NBPF15: variants seen among roughly 807,000 people sequenced by gnomAD.
NBPF15 encodes the protein NBPF member 15, also known as NBPF family member NBPF15.
Under a neutral mutation model 62.2 loss-of-function variants are expected in NBPF15, and 74 were observed. The observed-to-expected ratio is 1.19, with a 90% CI of 0.99 to 1.44. NBPF15 has a LOEUF of 1.44. NBPF15 is among the 40% of genes most tolerant of loss of function. NBPF15 has a pLI of 0.00. For synonymous variants in NBPF15, 244 were observed against 209.7 expected (o/e 1.16, Z -1.41); for missense variants, 790 against 550.0 (o/e 1.44, Z -4.36).
chr1:144,439,419 C>T (rs1681181224), intron 8 of NBPF15, among the ~76,000 whole-genome samples: 1 of 151,994 alleles, frequency 6.6e-6, no homozygotes, highest in Non-Finnish European at 1.5e-5. Flanking sequence ...AGAGCTTTGC[C>T]TGTTGGGCCT....
At chr1:144,428,022 CA>C (rs1169858228) in intron 15 of NBPF15, 32 bp from the exon 16 acceptor site, 1 of 764,512 alleles carries the variant, frequency 1.3e-6, no homozygotes, top group African/African-American at 1.7e-5. Flanking sequence ...AAGAATAAGC[CA>C]GGGGGAATCA....
chr1:144,436,944 C>A lies in NBPF15; in HGVS notation c.444G>T (p.Leu148=). 1 of 1,612,116 alleles carries A rather than the reference C, an allele frequency of 6.2e-7. No individual in the cohort carries two copies. Among genetic ancestry groups the A allele is most frequent in the Non-Finnish European group, 8.5e-7 (1 of 1,179,642 alleles). ...GCTGTGTCAGTCTACACCCCTCAGC[C>A]AGCTGTTCTTGGAGGTCCTGCCCCT... ...KSQGQDLQEQ[L]AEGCRLTQHL... is the part of the protein sequence containing the mutation. Residue 148 remains leucine, a synonymous_variant, in exon 10 of 22, where the codon CTG becomes CTT. Coordinates refer to ENST00000581897, the MANE Select transcript of NBPF15 (RefSeq NM_001385408.1).
chr1:144,451,811 C>T (rs1553545581), intron 4 of NBPF15, among the ~76,000 whole-genome samples: 1 of 151,266 alleles, frequency 6.6e-6, no homozygotes, highest in African/African-American at 2.5e-5. Context: ...TCTCTTATGT[C>T]TACTTCTTCC....
At chr1:144,432,936 A>G (rs1675558533) in intron 13 of NBPF15, among the ~76,000 whole-genome samples, 1 of 151,626 alleles carries the variant, frequency 6.6e-6, no homozygotes, top group Non-Finnish European at 1.5e-5. Context: ...ACTTGAACTC[A>G]GCTCTCCACC....
chr1:144,457,570 C>A (rs28651413), intron 3 of NBPF15, among the ~76,000 whole-genome samples: 1 of 151,862 alleles, frequency 6.6e-6, no homozygotes, highest in Non-Finnish European at 1.5e-5. Context: ...TCATTCATTC[C>A]TTTAACAAAT....
At chr1:144,458,637 G>A (rs1258826263) in intron 3 of NBPF15, among the ~76,000 whole-genome samples, 3 of 150,624 alleles carry the variant, frequency 2.0e-5, no homozygotes, top group Non-Finnish European at 1.5e-5. Context: ...TAAATTGGAT[G>A]ACCATGCAGT....
At chr1:144,432,372 C>A (rs1674998114) in intron 13 of NBPF15, among the ~76,000 whole-genome samples, 1 of 151,898 alleles carries the variant, frequency 6.6e-6, no homozygotes, top group Non-Finnish European at 1.5e-5. Flanking sequence ...CTGTAAAGAC[C>A]ATTGACGCTA....
intron 6 of NBPF15, among the ~76,000 whole-genome samples, chr1:144,442,155 TACACGTGTATATATATATATATATA>T (rs1683560644): frequency 8.6e-4 from 3 of 3,474 alleles, no homozygotes; most frequent in African/African-American, 2.3e-3. Flanking sequence ...ATAATATATA[TACACGTGTATATATATATATATATA>T]ATATATATAC....
intron 6 of NBPF15, among the ~76,000 whole-genome samples, chr1:144,442,022 C>T (rs1553542757): frequency 1.4e-5 from 2 of 145,304 alleles, no homozygotes. Flanking sequence ...GGGGTGAGGG[C>T]TGGGGGAGGG....
chr1:144,431,558 AT>A (rs1279904809), intron 13 of NBPF15, among the ~76,000 whole-genome samples: 3 of 148,680 alleles, frequency 2.0e-5, no homozygotes, highest in Non-Finnish European at 4.5e-5. Context: ...TTAGTTACAT[AT>A]GTATACATGT....
chr1:144,453,529 G>A (rs2102735528), intron 4 of NBPF15, among the ~76,000 whole-genome samples: 1 of 146,618 alleles, frequency 6.8e-6, no homozygotes, highest in East Asian at 2.1e-4. Context: ...ACTGTTAAGA[G>A]AATGGAAAAA....
At chr1:144,437,815 T>G in intron 9 of NBPF15, 130 bp downstream of exon 9, 2 of 1,027,208 alleles carry the variant, frequency 1.9e-6, no homozygotes, top group South Asian at 2.6e-5. Flanking sequence ...TATTTGTGTG[T>G]AGCGAGCCTG....
At chr1:144,434,440 G>A (rs1396611995) in intron 12 of NBPF15, among the ~76,000 whole-genome samples, 2 of 147,422 alleles carry the variant, frequency 1.4e-5, no homozygotes, top group African/African-American at 5.1e-5. Flanking sequence ...GGGAGAGGTT[G>A]CACCAAGCCA....
chr1:144,438,724 A>G (rs1680556184), intron 8 of NBPF15, among the ~76,000 whole-genome samples: 1 of 151,930 alleles, frequency 6.6e-6, no homozygotes, highest in Non-Finnish European at 1.5e-5. Flanking sequence ...CATGTAATTC[A>G]CTGCAGCAAT....
chr1:144,427,347 G>A (rs1400351784), intron 16 of NBPF15, among the ~76,000 whole-genome samples: 3 of 126,818 alleles, frequency 2.4e-5, no homozygotes, highest in Non-Finnish European at 3.3e-5. Context: ...CCAAGTTTGT[G>A]CAAATGGTTA....
intron 4 of NBPF15, among the ~76,000 whole-genome samples, chr1:144,455,614 T>G (rs76109941): frequency 1.7e-4 from 25 of 149,338 alleles, no homozygotes; most frequent in East Asian, 9.8e-4. Context: ...TCCAGAAGCT[T>G]CCCAGCTGCA....
chr1:144,436,608 C>G (rs1277222906), intron 10 of NBPF15, among the ~76,000 whole-genome samples: 2 of 152,014 alleles, frequency 1.3e-5, no homozygotes, highest in Non-Finnish European at 1.5e-5. Flanking sequence ...TCTAACAAGC[C>G]TGCTCCCATC....
chr1:144,457,142 C>G (rs1648537988), intron 3 of NBPF15, among the ~76,000 whole-genome samples: 2 of 151,908 alleles, frequency 1.3e-5, no homozygotes, highest in Non-Finnish European at 2.9e-5. Context: ...CACCACTGAA[C>G]TCCAGCCTGG....
intron 9 of NBPF15, among the ~76,000 whole-genome samples, chr1:144,437,498 C>T (rs1246362640): frequency 1.4e-5 from 2 of 146,964 alleles, no homozygotes; most frequent in African/African-American, 2.6e-5. Context: ...AGGCCAGGTG[C>T]AGATGGGGTG....
Sources: gnomAD v4.1 joint callset for allele counts (sites outside exome capture counted in the v4.1 genomes callset) on GRCh38, gnomAD v4.1.1 for gene constraint, MANE v1.5 for transcripts, NCBI Gene and HGNC (gene_info 2026-07-23, HGNC 2026-07-21) for gene names.